Variants in C1orf21 observed in about 807,000 individuals in gnomAD.
C1orf21 encodes uncharacterized protein C1orf21.
C1orf21 carries 3 observed loss-of-function variants against 18.7 expected under a neutral mutation model. The observed-to-expected ratio is 0.16, with a 90% CI of 0.07 to 0.42. C1orf21 has a LOEUF of 0.42. Ranked by LOEUF, C1orf21 falls within the 10% of genes least tolerant of loss-of-function variation. The probability of loss-of-function intolerance (pLI) is 0.99; values close to 1 mark genes in which losing one functional copy is unlikely to be tolerated. For synonymous variants in C1orf21, 41 were observed against 46.4 expected, an observed-to-expected ratio of 0.88 and a Z score of 0.47; for missense variants, 104 against 143.6, an observed-to-expected ratio of 0.72 and a Z score of 1.41.
chr1:184,500,276 A>G (rs1657956408), intron 2 of C1orf21, among the ~76,000 whole-genome samples: 1 of 152,194 alleles, frequency 6.6e-6, no homozygotes. Flanking sequence ...ATGACTGGAT[A>G]ATAGTTCCTT....
At chr1:184,419,645 CAG>C (rs1196499354) in intron 1 of C1orf21, among the ~76,000 whole-genome samples, 1 of 148,016 alleles carries the variant, frequency 6.8e-6, no homozygotes, top group East Asian at 1.9e-4. Flanking sequence ...AGGGGAAAAA[CAG>C]AAAAAAAAAA....
chr1:184,616,656 ATGCATGTGTG>A (rs1659827993), intron 5 of C1orf21, among the ~76,000 whole-genome samples: 1 of 152,056 alleles, frequency 6.6e-6, no homozygotes, highest in African/African-American at 2.4e-5. Flanking sequence ...CCTTTCATGT[ATGCATGTGTG>A]TGCATGTGTG....
intron 1 of C1orf21, among the ~76,000 whole-genome samples, chr1:184,448,282 C>T (rs1276726102): frequency 6.6e-6 from 1 of 152,074 alleles, no homozygotes; most frequent in Non-Finnish European, 1.5e-5. Flanking sequence ...TAGGGTTTTT[C>T]CATGTTGGCC....
At chr1:184,573,134 A>G (rs1286349603) in intron 3 of C1orf21, among the ~76,000 whole-genome samples, 1 of 152,114 alleles carries the variant, frequency 6.6e-6, no homozygotes, top group African/African-American at 2.4e-5. Flanking sequence ...GCTGTATGTC[A>G]TTGTAAACAG....
chr1:184,450,463 A>G (rs977575841), intron 1 of C1orf21, among the ~76,000 whole-genome samples: 15 of 152,316 alleles, frequency 9.8e-5, no homozygotes, highest in Non-Finnish European at 2.2e-4. Context: ...AATGTCAACA[A>G]TGCTTTTAAT....
At chr1:184,518,398 C>A (rs889544641) in intron 3 of C1orf21, among the ~76,000 whole-genome samples, 3 of 152,096 alleles carry the variant, frequency 2.0e-5, no homozygotes, top group Admixed American at 6.6e-5. Flanking sequence ...CTGTTCATTG[C>A]TATTTTGTAG....
rs960000880 is a variant in C1orf21, at chr1:184,623,041, C to T, written c.*3485C>T. The T allele has an allele frequency of 1.3e-5, 2 of 152,190 alleles. No individual in the cohort carries two copies. Among genetic ancestry groups the T allele is most frequent in the African/African-American group, 4.8e-5 (2 of 41,426 alleles). 9.4% of individuals were successfully genotyped at this position (152,190 alleles called of 1,614,324 possible). ...CCTCATCCCTGTTTTTCTGTTAGGG[C>T]AAGACTCTTCCATAAGCCTGCTAAA... On this transcript the variant is annotated 3_prime_UTR_variant, in exon 6 of 6. Transcript: ENST00000235307.
chr1:184,569,588 G>A (rs1659080857), intron 3 of C1orf21, among the ~76,000 whole-genome samples: 1 of 152,224 alleles, frequency 6.6e-6, no homozygotes, highest in Non-Finnish European at 1.5e-5. Context: ...TGGGTGCAAT[G>A]GCAGGTGCCT....
intron 3 of C1orf21, among the ~76,000 whole-genome samples, chr1:184,587,262 C>CT (rs35263651): frequency 0.017 from 1,331 of 76,312 alleles, 25 homozygotes; most frequent in East Asian, 0.042. Context: ...GCTATTTGGG[C>CT]TTTTTTTTTT....
chr1:184,497,246 T>G (rs1343461092), intron 2 of C1orf21, among the ~76,000 whole-genome samples: 2 of 152,248 alleles, frequency 1.3e-5, no homozygotes, highest in Non-Finnish European at 2.9e-5. Flanking sequence ...CTGCCCACCA[T>G]TAAGCTATCA....
In C1orf21 at chr1:184,626,172, C is replaced by G. The variant is rs934584485; in HGVS notation, c.*6616C>G. On this transcript the variant is annotated 3_prime_UTR_variant, in exon 6 of 6. Transcript: ENST00000235307. ...TAATTGCCAGCAAAGCACAACTGAA[C>G]TAAATCCACCTTCAAGGAACCTAGC... The G allele has an allele frequency of 3.3e-5, 5 of 152,226 alleles. No homozygotes were observed. Among genetic ancestry groups the G allele is most frequent in the African/African-American group, 1.2e-4 (5 of 41,430 alleles). The allele number at this position is 152,226 out of a possible 1,614,324, so 9.4% of individuals were successfully genotyped here. A position where few individuals can be genotyped will look rare whatever the true frequency, so the allele number is the denominator to read the frequency against.
intron 3 of C1orf21, among the ~76,000 whole-genome samples, chr1:184,578,127 T>C (rs1360556220): frequency 6.6e-6 from 1 of 152,008 alleles, no homozygotes; most frequent in East Asian, 1.9e-4. Context: ...TGGCTAATTT[T>C]TTTTATTTTT....
At chr1:184,470,954 A>C (rs981859880) in intron 1 of C1orf21, among the ~76,000 whole-genome samples, 4 of 152,010 alleles carry the variant, frequency 2.6e-5, no homozygotes, top group Admixed American at 1.3e-4. Flanking sequence ...CTGAGGAGCA[A>C]ATCTAGAAGC....
chr1:184,481,396 C>A (rs1657652228), intron 2 of C1orf21, among the ~76,000 whole-genome samples: 3 of 152,112 alleles, frequency 2.0e-5, no homozygotes, highest in Non-Finnish European at 4.4e-5. Context: ...ACATATGGTG[C>A]CTCTGAAGCT....
chr1:184,553,744 G>A (rs759261776), intron 3 of C1orf21, among the ~76,000 whole-genome samples: 8 of 152,104 alleles, frequency 5.3e-5, no homozygotes, highest in Non-Finnish European at 8.8e-5. Flanking sequence ...CTCAACCCTG[G>A]TCCCTTTCCC....
At chr1:184,526,090 T>C (rs1305498973) in intron 3 of C1orf21, among the ~76,000 whole-genome samples, 1 of 152,198 alleles carries the variant, frequency 6.6e-6, no homozygotes. Flanking sequence ...ATTGTATTGT[T>C]AGAGTTAATG....
intron 3 of C1orf21, among the ~76,000 whole-genome samples, chr1:184,523,682 T>G (rs1053403962): frequency 1.1e-4 from 16 of 152,210 alleles, no homozygotes; most frequent in Non-Finnish European, 4.4e-5. Context: ...GTATGGGGTA[T>G]ATGTAAATTC....
At chr1:184,465,726 C>A (rs1657384586) in intron 1 of C1orf21, among the ~76,000 whole-genome samples, 1 of 152,130 alleles carries the variant, frequency 6.6e-6, no homozygotes, top group African/African-American at 2.4e-5. Flanking sequence ...ACAGCTGGGG[C>A]AAAGGGCTCC....
rs1657374467 is a variant in C1orf21 at position 184,465,353 on chromosome 1, CTA to C, written c.-124-12031_-124-12030del. Among the ~76,000 whole-genome samples, 3 of 152,196 alleles carry C rather than the reference CTA, an allele frequency of 2.0e-5. No homozygotes were observed. In the South Asian group the frequency reaches 6.2e-4, roughly 32 times the overall value. On this transcript the variant is annotated intron_variant, in intron 1 of 5. Transcript: ENST00000235307. ...TCATCCTGATTTCCATTGGACATGA[CTA>C]TGTGAGTTTTTTTCTCTTTCAAAAA...
Sources: allele counts gnomAD v4.1 joint callset (sites outside exome capture counted in the v4.1 genomes callset), GRCh38; gene constraint gnomAD v4.1.1; transcripts MANE v1.5; gene names NCBI Gene and HGNC (gene_info 2026-07-23, HGNC 2026-07-21).